Variants in MEP1A observed in about 807,000 individuals in gnomAD.
MEP1A encodes N-benzoyl-L-tyrosyl-P-amino-benzoic acid hydrolase subunit alpha.
A neutral mutation model predicts 84.5 loss-of-function variants in MEP1A; 68 were observed. The observed-to-expected ratio is 0.80, with a 90% CI of 0.66 to 0.98. The LOEUF (loss-of-function observed/expected upper bound fraction) is 0.98. Among genes scored for constraint, MEP1A ranks in the 50% least tolerant of loss-of-function variants. The pLI is 0.00. For missense variants in MEP1A, 887 were observed against 919.9 expected (o/e 0.96, Z 0.46); for synonymous variants, 337 against 336.8 (o/e 1.00, Z -0.01).
intron 13 of MEP1A, among the ~76,000 whole-genome samples, chr6:46,838,680 A>G (rs1005824760): frequency 6.6e-6 from 1 of 152,160 alleles, no homozygotes; most frequent in African/African-American, 2.4e-5. Context: ...ATCTGGAGGC[A>G]TACCTCTTGA....
rs767646458 is a variant in MEP1A at position 46,829,361 on chromosome 6, G to T, written c.934G>T (p.Gly312Cys). ...TTTGGCTGCTCTTTCCATAGGTGCC[G>T]GCTACTTCATGCAGTTCAGCACCAG... The part of the protein sequence containing the change: ...HTLLGQCTGA[G>C]YFMQFSTSSG... The change falls in exon 10 of 14, where the codon GGC becomes TGC. Residue 312 changes from glycine to cysteine, a missense_variant. Transcript: ENST00000230588. 4 of 1,612,986 alleles carry T rather than the reference G, an allele frequency of 2.5e-6. No homozygotes were observed. Among genetic ancestry groups the T allele is most frequent in the Non-Finnish European group, 3.4e-6 (4 of 1,179,956 alleles).
intron 9 of MEP1A, among the ~76,000 whole-genome samples, chr6:46,827,684 T>G (rs1409989536): frequency 6.6e-6 from 1 of 152,154 alleles, no homozygotes; most frequent in East Asian, 1.9e-4. Flanking sequence ...GGGTAAAAGC[T>G]TCTGTCACAG....
At chr6:46,797,836 TTC>T (rs1303923775) in intron 3 of MEP1A, among the ~76,000 whole-genome samples, 5 of 138,650 alleles carry the variant, frequency 3.6e-5, no homozygotes, top group East Asian at 2.0e-4. Flanking sequence ...CTTTCTTTCT[TTC>T]TCTCTCTCTT....
intron 6 of MEP1A, among the ~76,000 whole-genome samples, chr6:46,815,965 C>A (rs35503280): frequency 0.27 from 40,683 of 152,026 alleles, 5,636 homozygotes; most frequent in South Asian, 0.33. Flanking sequence ...GAGACAGAGT[C>A]TCTCTCTGTC....
intron 4 of MEP1A, 39 bp from the exon 5 acceptor site, chr6:46,799,067 G>GA: frequency 7.4e-7 from 1 of 1,354,418 alleles, no homozygotes; most frequent in Non-Finnish European, 1.1e-6. Context: ...TGACCTTGAG[G>GA]ACTAGGCTTC....
intron 6 of MEP1A, among the ~76,000 whole-genome samples, chr6:46,810,642 T>C (rs1328666475): frequency 6.6e-6 from 1 of 152,136 alleles, no homozygotes; most frequent in Non-Finnish European, 1.5e-5. Context: ...TTGATTTCTG[T>C]ATAGGGTGAG....
In MEP1A at chr6:46,819,672, A is replaced by T; in HGVS notation, c.524A>T (p.Tyr175Phe). ...HEQSRTDRDD[Y>F]VNIWWDQILS... ...CAGTCAAGGACGGACCGGGATGATT[A>T]TGTGAACATCTGGTGGGACCAAATT... Residue 175 changes from tyrosine (Y) to phenylalanine (F), a missense_variant, in exon 7 of 14, where the codon TAT becomes TTT. By Grantham distance (22) the Tyr-to-Phe change is conservative. Coordinates refer to ENST00000230588, the MANE Select transcript of MEP1A (RefSeq NM_005588.3). The T allele has an allele frequency of 6.2e-7, 1 of 1,614,056 alleles. No individual in the cohort carries two copies. Among genetic ancestry groups the T allele is most frequent in the Non-Finnish European group, 8.5e-7 (1 of 1,179,954 alleles).
intron 5 of MEP1A, among the ~76,000 whole-genome samples, chr6:46,802,252 A>G (rs1293714623): frequency 1.3e-5 from 2 of 151,882 alleles, no homozygotes; most frequent in African/African-American, 4.8e-5. Flanking sequence ...TCTTTAATTT[A>G]TCTAATCCGT....
chr6:46,809,265 C>A (rs1194458998), intron 5 of MEP1A, among the ~76,000 whole-genome samples, 155 bp from the exon 6 acceptor site: 1 of 152,076 alleles, frequency 6.6e-6, no homozygotes, highest in Non-Finnish European at 1.5e-5. Context: ...ACCAATTTTG[C>A]AGTTTTAGTT....
At chr6:46,815,655 A>G (rs1484494343) in intron 6 of MEP1A, among the ~76,000 whole-genome samples, 1 of 152,004 alleles carries the variant, frequency 6.6e-6, no homozygotes, top group Admixed American at 6.6e-5. Context: ...TCTCGGAGCA[A>G]AAATTCATGA....
the MEP1A span, among the ~76,000 whole-genome samples, chr6:46,845,435 G>A: frequency 1.3e-5 from 2 of 152,200 alleles, no homozygotes; most frequent in African/African-American, 2.4e-5. Context: ...GTCTTGGGCT[G>A]CTTATCTGTA....
intron 5 of MEP1A, 83 bp downstream of exon 5, chr6:46,799,264 G>T: frequency 1.1e-6 from 1 of 894,304 alleles, no homozygotes; most frequent in South Asian, 1.4e-5. Flanking sequence ...CACATTGGGA[G>T]TAACCACCAC....
In MEP1A at chr6:46,807,774, AG is replaced by A. The variant is rs1562106938; in HGVS notation, c.263-1645del. Among the ~76,000 whole-genome samples, 11 of 39,464 alleles carry A rather than the reference AG, an allele frequency of 2.8e-4. No homozygotes were observed. The East Asian group carries it at 7.5e-3, about 27-fold the overall frequency. 25.9% of individuals were successfully genotyped at this position (39,464 alleles called of 152,430 possible). A position where few individuals can be genotyped will look rare whatever the true frequency, so the allele number is the denominator to read the frequency against. ...AGGAAGGAAGGAAGGGAGAAAGGAA[AG>A]AAAGAAAGAAAGAAAGAAAGAAAGA... is the stretch of plus-strand genomic sequence containing the variant. On this transcript the variant is annotated intron_variant, in intron 5 of 13. Coordinates refer to ENST00000230588, the MANE Select transcript of MEP1A (RefSeq NM_005588.3).
chr6:46,822,430 A>C (rs1427335041), intron 7 of MEP1A, among the ~76,000 whole-genome samples: 1 of 152,190 alleles, frequency 6.6e-6, no homozygotes, highest in Non-Finnish European at 1.5e-5. Flanking sequence ...CACTAGGCCC[A>C]ACAAAAACAT....
Position 46,835,344 on chromosome 6 carries a change from G to A in MEP1A, c.1879G>A (p.Glu627Lys), listed in dbSNP as rs139947513. Residue 627 changes from glutamate to lysine, a missense_variant, in exon 13 of 14, where the codon GAA becomes AAA. Transcript: ENST00000230588. ...CCAAGGCCAGGAGCAGCAGGTCTCCGAAGAAGGTTCGGGAAAGGCCATGTT... is the reference window on the plus strand; with the variant it reads ...CCAAGGCCAGGAGCAGCAGGTCTCCAAAGAAGGTTCGGGAAAGGCCATGTT... ...ILQGQEQQVS[E>K]EGSGKAMLEE... 9.9e-6 allele frequency: 16 copies of A among 1,610,342 alleles called. No individual in the cohort carries two copies. Among genetic ancestry groups the A allele is most frequent in the African/African-American group, 9.3e-5 (7 of 74,954 alleles).
At chr6:46,818,215 T>G (rs758805587) in intron 6 of MEP1A, among the ~76,000 whole-genome samples, 2 of 152,170 alleles carry the variant, frequency 1.3e-5, no homozygotes, top group Non-Finnish European at 2.9e-5. Flanking sequence ...TACTTAAAAT[T>G]AAAGAATTTT....
In MEP1A at chr6:46,834,581, T is replaced by C. The variant is rs776229099; in HGVS notation, c.1613T>C (p.Ile538Thr). 2.1e-5 allele frequency: 34 copies of C among 1,603,962 alleles called. 1 individual carries two copies. In the South Asian group the frequency reaches 3.8e-4, roughly 18 times the overall value. The part of the protein sequence containing the change: ...TTSKSHTSPA[I>T]NDTVIWDRPS... ...TATGTTACCTACAACTTTGCAGCGA[T>C]AAATGACACTGTCATCTGGGACAGG... The change falls in exon 12 of 14, where the codon ATA becomes ACA. Residue 538 changes from isoleucine (I) to threonine (T), a missense_variant. Transcript: ENST00000230588.
chr6:46,826,979 C>T (rs1767962426), intron 9 of MEP1A, among the ~76,000 whole-genome samples: 1 of 152,120 alleles, frequency 6.6e-6, no homozygotes, highest in Admixed American at 6.5e-5. Flanking sequence ...AACATGTAAT[C>T]AAAATAAAAG....
chr6:46,830,006 G>C (rs1161467821), intron 10 of MEP1A, among the ~76,000 whole-genome samples: 1 of 152,054 alleles, frequency 6.6e-6, no homozygotes, highest in Non-Finnish European at 1.5e-5. Flanking sequence ...AGCACTTTGG[G>C]AGGCCGAGGC....
Sources: gnomAD v4.1 joint callset for allele counts (sites outside exome capture counted in the v4.1 genomes callset) on GRCh38, gnomAD v4.1.1 for gene constraint, MANE v1.5 for transcripts, NCBI Gene and HGNC (gene_info 2026-07-23, HGNC 2026-07-21) for gene names.